MTHFD1L: variants seen among roughly 807,000 people sequenced by gnomAD.
MTHFD1L encodes methylenetetrahydrofolate dehydrogenase (NADP+ dependent) 1 like.
MTHFD1L carries 81 observed loss-of-function variants against 119.5 expected under a neutral mutation model. The ratio of observed to expected loss-of-function variants is 0.68; its 90% CI spans 0.57 to 0.82. The LOEUF is 0.82. Ranked by LOEUF, MTHFD1L falls within the 40% of genes least tolerant of loss-of-function variation. The pLI is 0.00. For missense variants in MTHFD1L, 1,125 were observed against 1,253.4 expected, an observed-to-expected ratio of 0.90 and a Z score of 1.55; for synonymous variants, 430 against 475.2, an observed-to-expected ratio of 0.90 and a Z score of 1.24.
chr6:150,891,165 T>C (rs1034228690), intron 7 of MTHFD1L, among the ~76,000 whole-genome samples: 26 of 152,102 alleles, frequency 1.7e-4, no homozygotes, highest in Non-Finnish European at 7.4e-5. Flanking sequence ...TTTGTATTTT[T>C]AGTAGAGACA....
chr6:150,934,094 A>G (rs1791637617), intron 11 of MTHFD1L, among the ~76,000 whole-genome samples: 1 of 152,110 alleles, frequency 6.6e-6, no homozygotes. Flanking sequence ...TATGATTTCC[A>G]TCCATGGAGA....
chr6:150,979,009 G>C (rs1368817243), intron 20 of MTHFD1L, among the ~76,000 whole-genome samples: 1 of 152,182 alleles, frequency 6.6e-6, no homozygotes, highest in Non-Finnish European at 1.5e-5. Context: ...GGAGGCCGAG[G>C]TGGGTGGATC....
chr6:150,907,785 A>T (rs1246485351), intron 8 of MTHFD1L, among the ~76,000 whole-genome samples: 1 of 152,200 alleles, frequency 6.6e-6, no homozygotes, highest in Non-Finnish European at 1.5e-5. Flanking sequence ...AAATGATTCT[A>T]TAAGTAGAAT....
At chr6:151,091,777 T>C (rs1052162604) in intron 26 of MTHFD1L, among the ~76,000 whole-genome samples, 135 of 152,268 alleles carry the variant, frequency 8.9e-4, no homozygotes, top group African/African-American at 3.1e-3. Flanking sequence ...AATTTGAGAT[T>C]ATAGGCCTAA....
At position 150,890,020 on chromosome 6, in the gene MTHFD1L, G is replaced by T. The variant is rs181349096; in HGVS notation, c.780+2039G>T. Among the ~76,000 whole-genome samples the T allele has an allele frequency of 3.3e-3, 502 of 152,158 alleles. 1 individual carries two copies. The highest frequency in any genetic ancestry group is 0.011 in the African/African-American group (468 of 41,510). On this transcript the variant is annotated intron_variant, in intron 7 of 27. Coordinates refer to ENST00000367321, the MANE Select transcript of MTHFD1L (RefSeq NM_015440.5). ...AAAAATATAAAATTAGCTGGATGTGGTGGCACATGCCTGTAATCCCAGCTA... is the reference window on the plus strand; with the variant it reads ...AAAAATATAAAATTAGCTGGATGTGTTGGCACATGCCTGTAATCCCAGCTA...
chr6:150,938,020 T>TTTTTGA (rs1186899671), intron 12 of MTHFD1L, among the ~76,000 whole-genome samples: 7 of 152,068 alleles, frequency 4.6e-5, no homozygotes, highest in African/African-American at 1.7e-4. Flanking sequence ...TTTGTTTTTG[T>TTTTTGA]TTTTGTTTTT....
At chr6:150,908,914 T>C (rs1455339781) in intron 8 of MTHFD1L, among the ~76,000 whole-genome samples, 3 of 152,128 alleles carry the variant, frequency 2.0e-5, no homozygotes, top group South Asian at 2.1e-4. Context: ...AGAGCTCTTA[T>C]TTAAACTTAA....
At chr6:150,972,447 T>A (rs1798107540) in intron 20 of MTHFD1L, among the ~76,000 whole-genome samples, 1 of 152,198 alleles carries the variant, frequency 6.6e-6, no homozygotes, top group African/African-American at 2.4e-5. Context: ...CAAATGTTTT[T>A]TGAGAACCTA....
intron 26 of MTHFD1L, among the ~76,000 whole-genome samples, chr6:151,091,052 C>A (rs113537865): frequency 1.3e-3 from 136 of 105,808 alleles, no homozygotes; most frequent in African/African-American, 5.2e-3. Context: ...TCGCCCCATG[C>A]GACTGGGTGC....
intron 1 of MTHFD1L, among the ~76,000 whole-genome samples, chr6:150,872,700 T>C (rs958598957): frequency 6.6e-6 from 1 of 152,164 alleles, no homozygotes; most frequent in Non-Finnish European, 1.5e-5. Flanking sequence ...TCCCATAGAC[T>C]TAAAACACAG....
chr6:151,017,873 C>G (rs978275122), intron 24 of MTHFD1L, among the ~76,000 whole-genome samples: 4 of 123,852 alleles, frequency 3.2e-5, no homozygotes, highest in African/African-American at 1.3e-4. Context: ...CTTGCTCTGT[C>G]GCCCAGGCTG....
chr6:151,066,188 G>A (rs1239190696), intron 26 of MTHFD1L, among the ~76,000 whole-genome samples: 2 of 152,176 alleles, frequency 1.3e-5, no homozygotes, highest in African/African-American at 2.4e-5. Context: ...TGTAATCCCA[G>A]CACTTTGGGA....
intron 2 of MTHFD1L, among the ~76,000 whole-genome samples, chr6:150,876,684 A>C (rs574699718): frequency 2.6e-5 from 4 of 152,358 alleles, no homozygotes; most frequent in South Asian, 2.1e-4. Context: ...GTTCTGAGCC[A>C]CAGTTGGCCC....
chr6:150,912,606 G>C, intron 8 of MTHFD1L: 2 of 459,858 alleles, frequency 4.3e-6, no homozygotes, highest in Non-Finnish European at 9.1e-6. Context: ...ATTAGTGAAA[G>C]GGTGGTTCTG....
intron 7 of MTHFD1L, among the ~76,000 whole-genome samples, chr6:150,892,613 C>T (rs1003975913): frequency 1.3e-5 from 2 of 152,130 alleles, no homozygotes; most frequent in East Asian, 1.9e-4. Flanking sequence ...TTCATAGCCC[C>T]GCCCCATACT....
At chr6:151,045,884 C>T (rs1205299313) in intron 26 of MTHFD1L, among the ~76,000 whole-genome samples, 2 of 152,150 alleles carry the variant, frequency 1.3e-5, no homozygotes, top group African/African-American at 2.4e-5. Flanking sequence ...GGGAAAGCTA[C>T]GTGTGTGTCT....
chr6:150,900,045 G>A (rs1021612563), intron 7 of MTHFD1L, among the ~76,000 whole-genome samples: 2 of 148,972 alleles, frequency 1.3e-5, no homozygotes, highest in Non-Finnish European at 3.0e-5. Context: ...ATATATAAAT[G>A]AATAAACAAG....
At chr6:150,892,994 A>C (rs1171972143) in intron 7 of MTHFD1L, among the ~76,000 whole-genome samples, 2 of 152,202 alleles carry the variant, frequency 1.3e-5, no homozygotes, top group Non-Finnish European at 2.9e-5. Context: ...CAATCAGGAC[A>C]GGACACCTGG....
intron 7 of MTHFD1L, among the ~76,000 whole-genome samples, chr6:150,900,557 C>T (rs1784946482): frequency 6.6e-6 from 1 of 152,172 alleles, no homozygotes; most frequent in African/African-American, 2.4e-5. Context: ...GACCCGGGCC[C>T]CCAGCTTCCT....
Sources: gnomAD v4.1 joint callset for allele counts (sites outside exome capture counted in the v4.1 genomes callset) on GRCh38, gnomAD v4.1.1 for gene constraint, MANE v1.5 for transcripts, NCBI Gene and HGNC (gene_info 2026-07-23, HGNC 2026-07-21) for gene names.